KIF1C: variants seen among roughly 807,000 people sequenced by gnomAD.
The protein encoded by KIF1C is kinesin family member 1C, also known as kinesin-like protein KIF1C.
A neutral mutation model predicts 126.5 loss-of-function variants in KIF1C; 61 were observed. The ratio of observed to expected loss-of-function variants is 0.48; its 90% CI spans 0.39 to 0.60. KIF1C has a LOEUF of 0.60. Among genes scored for constraint, KIF1C ranks in the 20% least tolerant of loss-of-function variants. KIF1C has a pLI of 0.00. For missense variants in KIF1C, 1,315 were observed against 1,489.2 expected, an observed-to-expected ratio of 0.88 and a Z score of 1.93; for synonymous variants, 640 against 580.6, an observed-to-expected ratio of 1.10 and a Z score of -1.47.
chr17:4,999,633 G>C (rs1974522402), intron 1 of KIF1C, among the ~76,000 whole-genome samples: 1 of 151,862 alleles, frequency 6.6e-6, no homozygotes, highest in Admixed American at 6.6e-5. Flanking sequence ...TTCTCTCTCT[G>C]TCCTCTATCT....
At position 5,007,519 on chromosome 17, in the gene KIF1C, G is replaced by C; in HGVS notation, c.1468G>C (p.Val490Leu). The change falls in exon 16 of 23, where the codon GTG (valine) becomes CTG (leucine). Residue 490 changes from valine to leucine, a missense_variant. Val to Leu is a conservative substitution (Grantham distance 32). Around this residue, in one of 2 missense-constraint regions of KIF1C, gnomAD observed 874 missense variants for 1,053.2 expected, o/e 0.83. Coordinates refer to ENST00000320785, the MANE Select transcript of KIF1C (RefSeq NM_006612.6). ...GGCCGTCCGGGAGGATGGGGGAACT[G>C]TGGGCGTCTTCTCTCCAAAGAAGGT... is the stretch of plus-strand genomic sequence containing the variant. The part of the protein sequence containing the change: ...GVAVREDGGT[V>L]GVFSPKKTPH... 2 of 1,564,410 alleles carry C rather than the reference G, an allele frequency of 1.3e-6. No homozygotes were observed. The highest frequency in any genetic ancestry group is 2.4e-5 in the South Asian group (2 of 82,774).
intron 18 of KIF1C, chr17:5,019,696 G>C (rs751126506): frequency 4.1e-5 from 17 of 414,900 alleles, no homozygotes; most frequent in Non-Finnish European, 7.4e-5. Context: ...TAAACATGAG[G>C]AATGAATCCT....
chr17:5,000,480 G>T, intron 3 of KIF1C, 128 bp downstream of exon 3: 2 of 722,200 alleles, frequency 2.8e-6, no homozygotes, highest in Non-Finnish European at 4.7e-6. Flanking sequence ...AGTCGTAAGG[G>T]CGGGGGCTGG....
chr17:5,013,538 G>A, intron 16 of KIF1C, 115 bp from the exon 17 acceptor site: 1 of 716,780 alleles, frequency 1.4e-6, no homozygotes, highest in East Asian at 2.7e-5. Context: ...CCAGAGTGAG[G>A]GGGCGCAGCT....
chr17:5,017,086 A>G (rs909911329), intron 18 of KIF1C, among the ~76,000 whole-genome samples: 4 of 152,030 alleles, frequency 2.6e-5, no homozygotes, highest in African/African-American at 7.2e-5. Flanking sequence ...TTCTGCGGCA[A>G]CCTCAAGCCA....
Position 5,022,216 on chromosome 17 carries a change from G to A in KIF1C, c.2135G>A (p.Gly712Asp). The A allele has an allele frequency of 6.2e-7, 1 of 1,614,184 alleles. No homozygotes were observed. Among genetic ancestry groups the A allele is most frequent in the South Asian group, 1.1e-5 (1 of 91,090 alleles). The stretch of plus-strand genomic sequence containing the variant: ...GTCCAGACCATTGTCAAACGCTGTG[G>A]TCTGCCCAGCAGTGGCAAGCGCAGG... ...TTVQTIVKRC[G>D]LPSSGKRRAP... Residue 712 changes from glycine to aspartate, a missense_variant, in exon 22 of 23, where the codon GGT (glycine) becomes GAT (aspartate). Transcript: ENST00000320785. The surrounding 1 kb of genome is among the most constrained non-coding windows in gnomAD (Gnocchi z 4.9).
intron 5 of KIF1C, 143 bp from the exon 6 acceptor site, chr17:5,001,916 T>C (rs1974603801): frequency 1.4e-6 from 1 of 709,440 alleles, no homozygotes; most frequent in East Asian, 2.6e-5. Flanking sequence ...TGTTTTCCCA[T>C]CTGTGAAATG....
At position 5,010,933 on chromosome 17, in the gene KIF1C, C is replaced by T. The variant is rs376743310; in HGVS notation, c.1492-2720C>T. On this transcript the variant is annotated intron_variant, in intron 16 of 22. Coordinates refer to ENST00000320785, the MANE Select transcript of KIF1C (RefSeq NM_006612.6). ...TCACGCCATTCTCCTGCCTCAGCCT[C>T]CCAAGTAGCTGGGACTACAGGCGCC... Among the ~76,000 whole-genome samples the T allele has an allele frequency of 2.6e-5, 4 of 151,472 alleles. No homozygotes were observed. In the East Asian group the frequency reaches 5.9e-4, roughly 22 times the overall value.
Position 5,023,397 on chromosome 17 carries a change from C to T in KIF1C, c.2629-71C>T. The T allele has an allele frequency of 3.8e-6, 5 of 1,329,388 alleles. No homozygotes were observed. Among genetic ancestry groups the T allele is most frequent in the East Asian group, 2.4e-5 (1 of 41,024 alleles). The allele number at this position is 1,329,388 out of a possible 1,614,324, so 82.3% of individuals were successfully genotyped here. ...TGACATCCAGCCACTCCAGGTCCCTCTTGAATCCACATGTCCTGAGGATTC... is the reference window on the plus strand; with the variant it reads ...TGACATCCAGCCACTCCAGGTCCCTTTTGAATCCACATGTCCTGAGGATTC... On this transcript the variant is annotated intron_variant, in intron 22 of 22. Transcript: ENST00000320785. This position sits in a 1 kb window ranked among gnomAD's most constrained non-coding sequence, Gnocchi z 4.2.
Position 5,020,393 on chromosome 17 carries a change from G to C in KIF1C, c.1751-99G>C. On this transcript the variant is annotated intron_variant, in intron 19 of 22. Coordinates refer to ENST00000320785, the MANE Select transcript of KIF1C (RefSeq NM_006612.6). This position sits in a 1 kb window ranked among gnomAD's most constrained non-coding sequence, Gnocchi z 5.8. The stretch of plus-strand genomic sequence containing the variant: ...CAGACTTGGGGTGATGAAGGGGAGG[G>C]TGTCACAGCCCCTGTGCCAGATTCT... The C allele has an allele frequency of 8.3e-7, 1 of 1,209,650 alleles. No individual in the cohort carries two copies. The highest frequency in any genetic ancestry group is 1.2e-6 in the Non-Finnish European group (1 of 867,270). The allele number at this position is 1,209,650 out of a possible 1,614,324, so 74.9% of individuals were successfully genotyped here. A position where few individuals can be genotyped will look rare whatever the true frequency, so the allele number is the denominator to read the frequency against.
At position 5,014,780 on chromosome 17, in the gene KIF1C, C is replaced by T; in HGVS notation, c.1609C>T (p.Gln537Ter). Residue 537 changes from glutamine to a stop codon, truncating the protein, a stop_gained, in exon 18 of 23, where the codon CAG (glutamine) becomes TAG (stop). Transcript: ENST00000320785. LOFTEE classifies it high-confidence loss of function. ...AGATATGGACATCAAGCTGACCGGACAGTTCATTCGGGAGCAACACTGTCT... is the reference window on the plus strand; with the variant it reads ...AGATATGGACATCAAGCTGACCGGATAGTTCATTCGGGAGCAACACTGTCT... The part of the protein sequence containing the change: ...QVDMDIKLTG[Q>*]FIREQHCLFR... The T allele has an allele frequency of 6.2e-7, 1 of 1,601,944 alleles. No homozygotes were observed. The highest frequency in any genetic ancestry group is 8.5e-7 in the Non-Finnish European group (1 of 1,174,842).
chr17:5,023,923 T>C lies in KIF1C; in HGVS notation c.3084T>C (p.His1028=). 1.9e-6 allele frequency: 3 copies of C among 1,566,442 alleles called. No homozygotes were observed. Among genetic ancestry groups the C allele is most frequent in the Non-Finnish European group, 2.6e-6 (3 of 1,155,492 alleles). The change falls in exon 23 of 23, where the codon CAT becomes CAC. Residue 1028 remains histidine (H), a synonymous_variant. Transcript: ENST00000320785. The surrounding 1 kb of genome is among the most constrained non-coding windows in gnomAD (Gnocchi z 4.2). Reference sequence around the variant, plus strand: ...CTCCGAGTCCCCGAAGGTCCCACCATCCCCGCAGGAACTCCCTGGATGGAG... The same window carrying C: ...CTCCGAGTCCCCGAAGGTCCCACCACCCCCGCAGGAACTCCCTGGATGGAG... ...RRPPSPRRSH[H]PRRNSLDGGG...
chr17:5,013,875 G>T (rs912130483), intron 17 of KIF1C, 143 bp downstream of exon 17: 3 of 608,806 alleles, frequency 4.9e-6, no homozygotes, highest in Non-Finnish European at 8.6e-6. Flanking sequence ...AGCCCTGCAC[G>T]CTCTCCCAGC....
rs1361571111 is a variant in KIF1C, at chr17:5,025,074, T to C, written c.*923T>C. ...TTTGTAGTGACGAGGTTTCACCATA[T>C]TGGCCAGGCTGGTCTCGAACTCCTG... On this transcript the variant is annotated 3_prime_UTR_variant, in exon 23 of 23. Coordinates refer to ENST00000320785, the MANE Select transcript of KIF1C (RefSeq NM_006612.6). 1 of 152,172 alleles carries C rather than the reference T, an allele frequency of 6.6e-6. No individual in the cohort carries two copies. The highest frequency in any genetic ancestry group is 2.4e-5 in the African/African-American group (1 of 41,432). 9.4% of individuals were successfully genotyped at this position (152,172 alleles called of 1,614,324 possible). A position where few individuals can be genotyped will look rare whatever the true frequency, so the allele number is the denominator to read the frequency against.
Position 5,020,843 on chromosome 17 carries a change from G to T in KIF1C, c.1975G>T (p.Glu659Ter). Residue 659 changes from glutamate (E) to a stop codon, truncating the protein, a stop_gained, in exon 21 of 23, where the codon GAA becomes TAA. Coordinates refer to ENST00000320785, the MANE Select transcript of KIF1C (RefSeq NM_006612.6). LOFTEE classifies it high-confidence loss of function. The surrounding 1 kb of genome is among the most constrained non-coding windows in gnomAD (Gnocchi z 5.8). Reference protein sequence around the residue: ...DLENQYRKEKEEADLLLEQQR... With the variant: ...DLENQYRKEK ...GGAGAATCAGTACCGGAAAGAAAAGGAAGAAGCCGATCTTCTGCTGGAGCA... is the reference window on the plus strand; with the variant it reads ...GGAGAATCAGTACCGGAAAGAAAAGTAAGAAGCCGATCTTCTGCTGGAGCA... The T allele has an allele frequency of 6.3e-7, 1 of 1,589,522 alleles. No individual in the cohort carries two copies. The highest frequency in any genetic ancestry group is 8.6e-7 in the Non-Finnish European group (1 of 1,167,656).
rs754340435 is a variant in KIF1C, at chr17:5,003,603, T to C, written c.721-9T>C. 3.7e-6 allele frequency: 6 copies of C among 1,606,748 alleles called. No homozygotes were observed. Among genetic ancestry groups the C allele is most frequent in the Non-Finnish European group, 3.4e-6 (4 of 1,175,758 alleles). Reference sequence around the variant, plus strand: ...CACCTTATCTCCTGCCTGTTTCCTCTGACCCCAGGTCAGTAAGATCAGTTT... The same window carrying C: ...CACCTTATCTCCTGCCTGTTTCCTCCGACCCCAGGTCAGTAAGATCAGTTT... On this transcript the variant is annotated splice_polypyrimidine_tract_variant and intron_variant, in intron 8 of 22. Transcript: ENST00000320785.
Position 5,004,879 on chromosome 17 carries a change from C to G in KIF1C, c.1044C>G (p.Ile348Met). 6.2e-7 allele frequency: 1 copy of G among 1,614,264 alleles called. No individual in the cohort carries two copies. The highest frequency in any genetic ancestry group is 8.5e-7 in the Non-Finnish European group (1 of 1,180,042). ...GGTATGCTGACCGCACCAAGCAAAT[C>G]CGCTGCAATGCCATCATCAACGAGG... ...TLRYADRTKQ[I>M]RCNAIINEDP... Residue 348 changes from isoleucine to methionine, a missense_variant, in exon 13 of 23, where the codon ATC becomes ATG. Transcript: ENST00000320785.
intron 16 of KIF1C, among the ~76,000 whole-genome samples, chr17:5,009,085 G>A (rs1323668477): frequency 1.3e-5 from 2 of 150,646 alleles, no homozygotes; most frequent in Non-Finnish European, 2.9e-5. Context: ...ACAGTGAAAA[G>A]TCTCCAATTT....
chr17:5,006,200 C>T (rs969758918), intron 13 of KIF1C, among the ~76,000 whole-genome samples: 3 of 151,300 alleles, frequency 2.0e-5, no homozygotes, highest in Non-Finnish European at 2.9e-5. Flanking sequence ...AGCAAGACTC[C>T]GTCTCAGAAA....
Sources: gnomAD v4.1 joint callset for allele counts (sites outside exome capture counted in the v4.1 genomes callset) on GRCh38, gnomAD v4.1.1 for gene constraint, gnomAD v4.1.1 regional missense constraint, Gnocchi (gnomAD v3.1) non-coding constraint, MANE v1.5 for transcripts, NCBI Gene and HGNC (gene_info 2026-07-23, HGNC 2026-07-21) for gene names.